The following C2CD3 variants were observed in gnomAD, a reference collection of about 807,000 sequenced individuals.
The protein encoded by C2CD3 is C2 domain-containing protein 3.
C2CD3 carries 148 observed loss-of-function variants against 234.0 expected under a neutral mutation model. The observed-to-expected ratio is 0.63, with a 90% CI of 0.55 to 0.72. The LOEUF (loss-of-function observed/expected upper bound fraction) is 0.72, where lower values mean the gene tolerates loss of function less well. C2CD3 is among the 30% of genes least tolerant of loss of function. C2CD3 has a pLI of 0.00. For missense variants in C2CD3, 2,577 were observed against 2,811.5 expected (o/e 0.92, Z 1.89); for synonymous variants, 1,000 against 1,035.4 (o/e 0.97, Z 0.66).
At chr11:74,122,801 A>T (rs1957261281) in intron 8 of C2CD3, among the ~76,000 whole-genome samples, 187 bp downstream of exon 8, 2 of 152,234 alleles carry the variant, frequency 1.3e-5, no homozygotes, top group South Asian at 4.1e-4. Context: ...GTTCTTGCAC[A>T]AAATATTCAA....
At chr11:74,163,049 G>A (rs144118577) in intron 2 of C2CD3, among the ~76,000 whole-genome samples, 1 of 152,220 alleles carries the variant, frequency 6.6e-6, no homozygotes, top group African/African-American at 2.4e-5. Context: ...GTATGCATAA[G>A]GAATCTCAGA....
At chr11:74,135,661 T>C (rs1590907270) in intron 5 of C2CD3, among the ~76,000 whole-genome samples, 1 of 152,188 alleles carries the variant, frequency 6.6e-6, no homozygotes, top group African/African-American at 2.4e-5. Flanking sequence ...GGTTGACTGA[T>C]ACAGCTTTGT....
chr11:74,021,606 G>GCTT (rs1952086652), intron 32 of C2CD3, among the ~76,000 whole-genome samples: 1 of 152,218 alleles, frequency 6.6e-6, no homozygotes. Flanking sequence ...AGTGAAGAAA[G>GCTT]TGTTCAAAGG....
intron 3 of C2CD3, among the ~76,000 whole-genome samples, chr11:74,150,360 T>C (rs1855516819): frequency 6.6e-6 from 1 of 151,080 alleles, no homozygotes; most frequent in Admixed American, 6.6e-5. Context: ...TGGTGGTACA[T>C]GCCTGTAATC....
Position 74,138,685 on chromosome 11 carries a change from GT to G in C2CD3, c.955+34del, listed in dbSNP as rs780332710. On this transcript the variant is annotated intron_variant, in intron 5 of 32. Transcript: ENST00000334126. The stretch of plus-strand genomic sequence containing the variant: ...CAAGCAGAGCAATCCCATAAACGTA[GT>G]TTAGTCTGACTCAGTTCACAAATAC... The G allele has an allele frequency of 1.9e-6, 3 of 1,571,616 alleles. No individual in the cohort carries two copies. The African/African-American group carries it at 4.1e-5, about 21-fold the overall frequency.
chr11:74,045,557 T>A (rs1953324669), intron 28 of C2CD3, among the ~76,000 whole-genome samples: 1 of 137,598 alleles, frequency 7.3e-6, no homozygotes, highest in African/African-American at 3.0e-5. Flanking sequence ...TAGACCTTTT[T>A]CAATTTTCTT....
intron 3 of C2CD3, among the ~76,000 whole-genome samples, chr11:74,146,710 C>CCACACACACACACA (rs141560536): frequency 3.5e-5 from 3 of 85,004 alleles, no homozygotes; most frequent in Middle Eastern, 4.5e-3. Flanking sequence ...AAAAGTCAAA[C>CCACACACACACACA]CACACACACA....
At chr11:74,098,355 T>C (rs1956189261) in intron 15 of C2CD3, 100 bp from the exon 16 acceptor site, 2 of 1,252,214 alleles carry the variant, frequency 1.6e-6, no homozygotes, top group Non-Finnish European at 2.2e-6. Context: ...TAAAAATAGA[T>C]TTGCAACTGG....
chr11:74,106,637 C>A, intron 12 of C2CD3, 144 bp from the exon 13 acceptor site: 1 of 707,392 alleles, frequency 1.4e-6, no homozygotes, highest in Non-Finnish European at 2.3e-6. Flanking sequence ...TCTGAGATCC[C>A]ACTTTGTCAT....
At chr11:74,027,138 G>A (rs1006862935) in intron 32 of C2CD3, among the ~76,000 whole-genome samples, 5 of 151,834 alleles carry the variant, frequency 3.3e-5, no homozygotes, top group Non-Finnish European at 7.4e-5. Context: ...ATATAGTCTC[G>A]CTGTGTCATC....
chr11:74,072,716 C>CTT (rs11404083), intron 24 of C2CD3, among the ~76,000 whole-genome samples: 9,147 of 151,118 alleles, frequency 0.061, 855 homozygotes, highest in African/African-American at 0.2. Flanking sequence ...TTTGTCTGTC[C>CTT]TTTTTTTTTA....
rs753920130 is a variant in C2CD3 at position 74,078,415 on chromosome 11, A to C, written c.4303T>G (p.Cys1435Gly). 5 of 1,614,074 alleles carry C rather than the reference A, an allele frequency of 3.1e-6. No individual in the cohort carries two copies. The change falls in exon 23 of 33, where the codon TGC becomes GGC. Residue 1435 changes from cysteine to glycine, a missense_variant. By Grantham distance (159) the Cys-to-Gly change is radical. Transcript: ENST00000334126. ...GHNHIHKNTY[C>G]YLRYKFYDHE... Reference sequence around the variant, plus strand: ...TCATAGAACTTGTAGCGAAGGTAGCAATATGTATTCTTATGAATGTGGTTG... The same window carrying C: ...TCATAGAACTTGTAGCGAAGGTAGCCATATGTATTCTTATGAATGTGGTTG...
In C2CD3 at chr11:74,049,358, T is replaced by G. The variant is rs754971842; in HGVS notation, c.5340A>C (p.Gly1780=). 1.2e-6 allele frequency: 2 copies of G among 1,614,142 alleles called. No individual in the cohort carries two copies. The highest frequency in any genetic ancestry group is 2.2e-5 in the South Asian group (2 of 91,088). The change falls in exon 27 of 33, where the codon GGA becomes GGC. Residue 1780 remains glycine, a synonymous_variant. Coordinates refer to ENST00000334126, the MANE Select transcript of C2CD3 (RefSeq NM_001286577.2). ...ATACCAGTGATTTTGAGGTCTCCACTCCACGCCTTGCTTGCCTTTCTTCTT... is the reference window on the plus strand; with the variant it reads ...ATACCAGTGATTTTGAGGTCTCCACGCCACGCCTTGCTTGCCTTTCTTCTT... ...HFKEERQARR[G]VETSKSLIPI...
In C2CD3 at chr11:74,139,920, A is replaced by G. The variant is rs1422720669; in HGVS notation, c.484-92T>C. 7 of 680,142 alleles carry G rather than the reference A, an allele frequency of 1.0e-5. No homozygotes were observed. The Admixed American group carries it at 1.5e-4, about 14-fold the overall frequency. 42.1% of individuals were successfully genotyped at this position (680,142 alleles called of 1,614,324 possible). The stretch of plus-strand genomic sequence containing the variant: ...TGCTTAATATTAATTAATGTCCCCC[A>G]TTCCCTACAGGATTGTAAGGAATGT... On this transcript the variant is annotated intron_variant, in intron 3 of 32. Transcript: ENST00000334126.
At position 74,092,434 on chromosome 11, in the gene C2CD3, A is replaced by G. The variant is rs760951822; in HGVS notation, c.3499T>C (p.Leu1167=). 12 of 1,613,706 alleles carry G rather than the reference A, an allele frequency of 7.4e-6. No individual in the cohort carries two copies. In the South Asian group the frequency reaches 8.8e-5, roughly 12 times the overall value. Residue 1167 remains leucine, a synonymous_variant, in exon 19 of 33, where the codon TTG becomes CTG. Coordinates refer to ENST00000334126, the MANE Select transcript of C2CD3 (RefSeq NM_001286577.2). ...LTPRIENRKE[L]RNQSSGLLDV... is the part of the protein sequence containing the mutation. ...CAATTACCTGATGACTGGTTCCTCA[A>G]TTCTTTCCTGTTCTCAATCCTGGGG...
intron 22 of C2CD3, among the ~76,000 whole-genome samples, chr11:74,080,611 A>G (rs1405487574): frequency 2.6e-5 from 4 of 152,184 alleles, no homozygotes; most frequent in Non-Finnish European, 5.9e-5. Flanking sequence ...GGAAAAAACA[A>G]AATAGAGTGC....
chr11:74,070,837 C>A (rs1194935543), intron 24 of C2CD3: 2 of 152,176 alleles, frequency 1.3e-5, no homozygotes, highest in African/African-American at 4.8e-5. Context: ...GTCCCATTCT[C>A]TCATACTACC....
intron 2 of C2CD3, chr11:74,164,067 A>G: frequency 4.4e-6 from 2 of 457,780 alleles, no homozygotes; most frequent in Non-Finnish European, 5.7e-6. Flanking sequence ...CTATCCAATT[A>G]TAAGTCCACT....
In C2CD3 at chr11:74,013,267, G is replaced by A. The variant is rs2135394887; in HGVS notation, c.*118C>T. ...CTTGAGGCATCCGTGGCCTAGGCAA[G>A]TGGTGGTTTCAGGACTGTGACAGCC... On this transcript the variant is annotated 3_prime_UTR_variant, in exon 33 of 33. Coordinates refer to ENST00000334126, the MANE Select transcript of C2CD3 (RefSeq NM_001286577.2). 2.4e-6 allele frequency: 1 copy of A among 419,260 alleles called. No homozygotes were observed. 26.0% of individuals were successfully genotyped at this position (419,260 alleles called of 1,614,324 possible). A position where few individuals can be genotyped will look rare whatever the true frequency, so the allele number is the denominator to read the frequency against.
Sources: gnomAD v4.1 joint callset for allele counts (sites outside exome capture counted in the v4.1 genomes callset) on GRCh38, gnomAD v4.1.1 for gene constraint, MANE v1.5 for transcripts, NCBI Gene and HGNC (gene_info 2026-07-23, HGNC 2026-07-21) for gene names.